SLC16A7: variants seen among roughly 807,000 people sequenced by gnomAD.
The protein encoded by SLC16A7 is solute carrier family 16 member 7.
A neutral mutation model predicts 34.9 loss-of-function variants in SLC16A7; 33 were observed. The observed-to-expected ratio is 0.94, with a 90% confidence interval of 0.72 to 1.26. The LOEUF is 1.26. Among genes scored for constraint, SLC16A7 ranks in the 50% most tolerant of loss-of-function variants. The pLI is 0.00. For missense variants in SLC16A7, 573 were observed against 578.1 expected, an observed-to-expected ratio of 0.99 and a Z score of 0.09; for synonymous variants, 201 against 206.6, an observed-to-expected ratio of 0.97 and a Z score of 0.23.
At chr12:59,666,734 ATTAAACC>A (rs898973067) in intron 2 of SLC16A7, among the ~76,000 whole-genome samples, 3 of 151,844 alleles carry the variant, frequency 2.0e-5, no homozygotes, top group African/African-American at 7.2e-5. Flanking sequence ...CAGTGAGTCC[ATTAAACC>A]TTTTTCCTTT....
At chr12:59,726,385 A>C (rs763187914) in intron 3 of SLC16A7, among the ~76,000 whole-genome samples, 9 of 152,120 alleles carry the variant, frequency 5.9e-5, no homozygotes, top group Non-Finnish European at 1.2e-4. Context: ...GGAAATATTA[A>C]GTGTATGGCT....
intron 1 of SLC16A7, among the ~76,000 whole-genome samples, chr12:59,601,992 C>T (rs1477477255): frequency 2.0e-5 from 3 of 152,100 alleles, no homozygotes; most frequent in Admixed American, 1.3e-4. Flanking sequence ...CAGTGGCTTT[C>T]CCTTAGTCAT....
At chr12:59,748,050 A>G (rs1879086981) in intron 3 of SLC16A7, among the ~76,000 whole-genome samples, 1 of 152,064 alleles carries the variant, frequency 6.6e-6, no homozygotes, top group Admixed American at 6.6e-5. Flanking sequence ...TAAAAATACA[A>G]AAATTAGCTG....
chr12:59,766,815 G>A (rs1465583066), intron 3 of SLC16A7, among the ~76,000 whole-genome samples: 7 of 152,172 alleles, frequency 4.6e-5, no homozygotes, highest in East Asian at 3.9e-4. Flanking sequence ...GTCTCTGCCA[G>A]GCTTTGGTAT....
chr12:59,653,640 A>T (rs1308021827), intron 1 of SLC16A7, among the ~76,000 whole-genome samples: 1 of 151,704 alleles, frequency 6.6e-6, no homozygotes, highest in East Asian at 1.9e-4. Context: ...AGGTATTTGC[A>T]TGTAAAATTC....
At chr12:59,731,502 A>G (rs1289848637) in intron 3 of SLC16A7, among the ~76,000 whole-genome samples, 1 of 152,220 alleles carries the variant, frequency 6.6e-6, no homozygotes, top group African/African-American at 2.4e-5. Context: ...TAAGAATCCC[A>G]GATAGCCCTC....
At chr12:59,617,027 C>T (rs1338320167) in intron 1 of SLC16A7, among the ~76,000 whole-genome samples, 1 of 151,872 alleles carries the variant, frequency 6.6e-6, no homozygotes, top group Non-Finnish European at 1.5e-5. Context: ...CTAGATTTTT[C>T]CAGTGAATAA....
intron 3 of SLC16A7, among the ~76,000 whole-genome samples, chr12:59,749,474 G>A (rs1879259189): frequency 6.6e-6 from 1 of 152,158 alleles, no homozygotes; most frequent in Non-Finnish European, 1.5e-5. Flanking sequence ...TGTCGAAGTG[G>A]TCTACTTGCC....
intron 3 of SLC16A7, among the ~76,000 whole-genome samples, chr12:59,751,346 C>T (rs1255405850): frequency 6.6e-6 from 1 of 152,204 alleles, no homozygotes; most frequent in Non-Finnish European, 1.5e-5. Context: ...GTTCCCTTTC[C>T]TAGTCAAAGA....
At chr12:59,738,466 A>G (rs1877864679) in intron 3 of SLC16A7, among the ~76,000 whole-genome samples, 3 of 152,166 alleles carry the variant, frequency 2.0e-5, no homozygotes, top group Admixed American at 2.0e-4. Flanking sequence ...CTGGGGAGGA[A>G]GAGAGTTTTT....
intron 1 of SLC16A7, among the ~76,000 whole-genome samples, chr12:59,626,258 T>G (rs753754284): frequency 4.6e-5 from 7 of 151,762 alleles, no homozygotes; most frequent in Admixed American, 2.6e-4. Flanking sequence ...TTTGCTTTTG[T>G]TTTTTAAAGA....
chr12:59,738,087 G>C (rs1278105527), intron 3 of SLC16A7, among the ~76,000 whole-genome samples: 1 of 152,128 alleles, frequency 6.6e-6, no homozygotes, highest in African/African-American at 2.4e-5. Context: ...CTTTATCACA[G>C]AGATATTGTA....
rs527743740 is a variant in SLC16A7, at chr12:59,699,491, T to C, written c.-30-5281T>C. Among the ~76,000 whole-genome samples, 213 of 151,828 alleles carry C rather than the reference T, an allele frequency of 1.4e-3. 1 individual carries two copies. Among genetic ancestry groups the C allele is most frequent in the Middle Eastern group, 6.8e-3 (2 of 294 alleles). Reference sequence around the variant, plus strand: ...GGAGAACTCTTATGCACTGCTGGTTTCAGTGTAAATTTCTACAATAAATCT... The same window carrying C: ...GGAGAACTCTTATGCACTGCTGGTTCCAGTGTAAATTTCTACAATAAATCT... On this transcript the variant is annotated intron_variant, in intron 2 of 5. Coordinates refer to ENST00000547379, the MANE Select transcript of SLC16A7 (RefSeq NM_001270623.2).
chr12:59,762,487 A>C (rs1293441934), intron 3 of SLC16A7, among the ~76,000 whole-genome samples: 1 of 152,130 alleles, frequency 6.6e-6, no homozygotes, highest in East Asian at 1.9e-4. Flanking sequence ...CTCTAAAATT[A>C]TCCACTGACT....
chr12:59,665,082 G>A (rs1056024814), intron 2 of SLC16A7: 2 of 152,008 alleles, frequency 1.3e-5, no homozygotes, highest in Admixed American at 1.3e-4. Context: ...TATATATGCT[G>A]GCTAATGTAA....
chr12:59,646,007 G>C (rs1287469236), intron 1 of SLC16A7, among the ~76,000 whole-genome samples: 1 of 152,108 alleles, frequency 6.6e-6, no homozygotes, highest in East Asian at 1.9e-4. Flanking sequence ...GGTATCTGGT[G>C]GTAGTAATTT....
chr12:59,642,762 T>C (rs373377124), intron 1 of SLC16A7, among the ~76,000 whole-genome samples: 1 of 152,074 alleles, frequency 6.6e-6, no homozygotes, highest in East Asian at 1.9e-4. Flanking sequence ...GACTAGAGAA[T>C]TGACTAACCA....
intron 2 of SLC16A7, among the ~76,000 whole-genome samples, chr12:59,666,484 T>G (rs894432918): frequency 2.0e-5 from 3 of 152,204 alleles, no homozygotes; most frequent in Admixed American, 6.5e-5. Flanking sequence ...CAAATCTCAC[T>G]TGAATTGTCG....
chr12:59,724,615 C>A (rs1223217236), intron 3 of SLC16A7, among the ~76,000 whole-genome samples: 1 of 151,830 alleles, frequency 6.6e-6, no homozygotes, highest in African/African-American at 2.4e-5. Flanking sequence ...TTGCTGGAAC[C>A]AGTTGGGTGC....
Sources: allele counts gnomAD v4.1 joint callset (sites outside exome capture counted in the v4.1 genomes callset), GRCh38; gene constraint gnomAD v4.1.1; transcripts MANE v1.5; gene names NCBI Gene and HGNC (gene_info 2026-07-23, HGNC 2026-07-21).